RFPL1: variants seen among roughly 807,000 people sequenced by gnomAD.
The protein encoded by RFPL1 is ret finger protein like 1.
Under a neutral mutation model 9.6 loss-of-function variants are expected in RFPL1, and 6 were observed. That is an observed-to-expected ratio of 0.62 (90% CI 0.34 to 1.23). RFPL1 has a LOEUF of 1.23. Ranked by LOEUF, RFPL1 falls within the 50% of genes most tolerant of loss-of-function variation. The pLI, the probability that RFPL1 is intolerant of heterozygous loss-of-function variation, is 0.03. For missense variants in RFPL1, 352 were observed against 398.4 expected (o/e 0.88, Z 0.99); for synonymous variants, 145 against 149.4 (o/e 0.97, Z 0.22).
the RFPL1 span, chr22:29,388,436 A>C: frequency 6.6e-6 from 1 of 152,284 alleles, no homozygotes. Context: ...GCAGGTCCCA[A>C]TAGCTCCCGG....
the RFPL1 span, among the ~76,000 whole-genome samples, chr22:29,401,013 T>C: frequency 6.6e-6 from 1 of 152,186 alleles, no homozygotes; most frequent in Non-Finnish European, 1.5e-5. Context: ...CACTTTTCAC[T>C]TTTGCAGTCT....
At chr22:29,441,926 T>G in exon 2 of RFPL1, 1 of 1,613,360 alleles carries the variant, frequency 6.2e-7, no homozygotes, top group Non-Finnish European at 8.5e-7. Context: ...GATATGGGCA[T>G]GCAGAACGTT....
At chr22:29,435,859 G>A (rs531480259), upstream of RFPL1, among the ~76,000 whole-genome samples, 1 of 152,286 alleles carries the variant, frequency 6.6e-6, no homozygotes, top group East Asian at 1.9e-4. Flanking sequence ...CCATTTCCAT[G>A]ATACATGCAG....
At chr22:29,418,777 T>C in the RFPL1 span, among the ~76,000 whole-genome samples, 24 of 152,214 alleles carry the variant, frequency 1.6e-4, no homozygotes, top group East Asian at 3.9e-4. Flanking sequence ...GGATTACAGG[T>C]GTGAGCCACT....
the RFPL1 span, among the ~76,000 whole-genome samples, chr22:29,407,504 A>G: frequency 0.65 from 96,500 of 149,156 alleles, 33,156 homozygotes; most frequent in African/African-American, 0.88. Context: ...TAAGAATTTC[A>G]GTAGAATTTA....
At chr22:29,441,709 T>C (rs200883191) in exon 2 of RFPL1, 22 of 1,613,824 alleles carry the variant, frequency 1.4e-5, no homozygotes, top group Non-Finnish European at 4.2e-6. Context: ...TGGCCGCCAC[T>C]ACTGGGAGGT....
upstream of RFPL1, chr22:29,433,614 C>T (rs1404410856): frequency 6.5e-6 from 1 of 153,444 alleles, no homozygotes; most frequent in Non-Finnish European, 1.5e-5. Context: ...AGCAACTGTT[C>T]AAAAGGCTCT....
chr22:29,402,681 A>G, the RFPL1 span, among the ~76,000 whole-genome samples: 4 of 150,642 alleles, frequency 2.7e-5, no homozygotes, highest in African/African-American at 9.9e-5. Flanking sequence ...GTATAACTAC[A>G]TTTGGTGAGC....
At chr22:29,406,085 C>T in the RFPL1 span, among the ~76,000 whole-genome samples, 17 of 119,538 alleles carry the variant, frequency 1.4e-4, no homozygotes, top group East Asian at 2.7e-3. Context: ...GTCCGCAGTC[C>T]GGCCTGGGGG....
chr22:29,399,994 C>CTTTTTTTTT, the RFPL1 span, among the ~76,000 whole-genome samples: 1 of 116,276 alleles, frequency 8.6e-6, no homozygotes, highest in Non-Finnish European at 1.7e-5. Context: ...CTTTTCTTTT[C>CTTTTTTTTT]TTTTTTTTTT....
chr22:29,419,801 C>CAA, the RFPL1 span, among the ~76,000 whole-genome samples: 1 of 64,122 alleles, frequency 1.6e-5, no homozygotes. Context: ...ATCCTCTCTC[C>CAA]AAAAAAAAAA....
the RFPL1 span, among the ~76,000 whole-genome samples, chr22:29,393,045 A>G: frequency 2.0e-5 from 3 of 152,196 alleles, no homozygotes; most frequent in Admixed American, 6.5e-5. Flanking sequence ...ACAAAGGGAC[A>G]ATTATAACTC....
the RFPL1 span, among the ~76,000 whole-genome samples, chr22:29,427,110 G>T: frequency 7.9e-5 from 12 of 152,334 alleles, no homozygotes; most frequent in East Asian, 5.8e-4. Flanking sequence ...TTTATCTGCC[G>T]CAAGGTGGCT....
At chr22:29,423,147 T>C in the RFPL1 span, 1 of 1,519,584 alleles carries the variant, frequency 6.6e-7, no homozygotes, top group South Asian at 1.1e-5. Flanking sequence ...TGGTGAAATA[T>C]TTTGAGTCAG....
chr22:29,396,362 T>C, the RFPL1 span, among the ~76,000 whole-genome samples: 17 of 152,216 alleles, frequency 1.1e-4, no homozygotes, highest in African/African-American at 4.1e-4. Context: ...TCTCTCTCTT[T>C]CTGCCATGGG....
chr22:29,432,052 G>T, the RFPL1 span, among the ~76,000 whole-genome samples: 1 of 152,072 alleles, frequency 6.6e-6, no homozygotes. Flanking sequence ...AATCCAGTGC[G>T]CATTTTACAC....
At chr22:29,401,409 G>A in the RFPL1 span, among the ~76,000 whole-genome samples, 1 of 152,142 alleles carries the variant, frequency 6.6e-6, no homozygotes, top group East Asian at 1.9e-4. Context: ...TCAACCAGAC[G>A]GTTCCATTTC....
chr22:29,399,691 C>T, the RFPL1 span, among the ~76,000 whole-genome samples: 3 of 152,176 alleles, frequency 2.0e-5, no homozygotes, highest in South Asian at 2.1e-4. Context: ...TTGAAGCAAC[C>T]GTTTTCCTCC....
At chr22:29,393,276 C>T in the RFPL1 span, among the ~76,000 whole-genome samples, 1 of 152,054 alleles carries the variant, frequency 6.6e-6, no homozygotes, top group Non-Finnish European at 1.5e-5. Context: ...ATGACTGTCC[C>T]CAAGTAGAGA....
Sources: gnomAD v4.1 joint callset for allele counts (sites outside exome capture counted in the v4.1 genomes callset) on GRCh38, gnomAD v4.1.1 for gene constraint, MANE v1.5 for transcripts, NCBI Gene and HGNC (gene_info 2026-07-23, HGNC 2026-07-21) for gene names.